PYGO1: variants seen among roughly 807,000 people sequenced by gnomAD.
The protein encoded by PYGO1 is pygopus family PHD finger 1, also known as pygopus homolog 1.
In PYGO1, 6 loss-of-function variants were observed where a neutral mutation model predicts 29.5. That is an observed-to-expected ratio of 0.20 (90% CI 0.11 to 0.40). PYGO1 has a LOEUF of 0.40. Among genes scored for constraint, PYGO1 ranks in the 10% least tolerant of loss-of-function variants. The pLI is 1.00. For missense variants in PYGO1, 515 were observed against 514.9 expected, an observed-to-expected ratio of 1.00 and a Z score of 0.00; for synonymous variants, 186 against 180.5, an observed-to-expected ratio of 1.03 and a Z score of -0.24.
chr15:55,571,475 G>A (rs2058979719), intron 1 of PYGO1, among the ~76,000 whole-genome samples: 1 of 152,138 alleles, frequency 6.6e-6, no homozygotes, highest in Admixed American at 6.5e-5. Flanking sequence ...GGAGGGATCT[G>A]GTAGGAGGTA....
chr15:55,546,829 C>A lies in PYGO1; in HGVS notation c.454G>T (p.Asp152Tyr). 6.2e-7 allele frequency: 1 copy of A among 1,613,996 alleles called. No homozygotes were observed. Among genetic ancestry groups the A allele is most frequent in the Non-Finnish European group, 8.5e-7 (1 of 1,179,950 alleles). The change falls in exon 3 of 3, where the codon GAT (aspartate) becomes TAT (tyrosine). Residue 152 changes from aspartate (D) to tyrosine (Y), a missense_variant. By Grantham distance (160) the Asp-to-Tyr change is radical. Transcript: ENST00000563719. Reference protein sequence around the residue: ...RPHAFNFGPHDNSSFGNPSYN... With the variant: ...RPHAFNFGPHYNSSFGNPSYN... ...GATGGATTACCGAAACTTGAATTATCATGTGGCCCAAAGTTAAAAGCATGA... is the reference window on the plus strand; with the variant it reads ...GATGGATTACCGAAACTTGAATTATAATGTGGCCCAAAGTTAAAAGCATGA...
chr15:55,581,365 A>T (rs28655042), intron 1 of PYGO1, among the ~76,000 whole-genome samples: 2 of 152,142 alleles, frequency 1.3e-5, no homozygotes, highest in African/African-American at 4.8e-5. Flanking sequence ...AAATAGGGAA[A>T]GCACTTCATG....
intron 1 of PYGO1, among the ~76,000 whole-genome samples, chr15:55,551,665 G>T (rs2058879342): frequency 6.6e-6 from 1 of 151,968 alleles, no homozygotes; most frequent in Admixed American, 6.6e-5. Flanking sequence ...AAATTAGCCA[G>T]GTATGGTGGC....
At chr15:55,558,417 C>T (rs553797124) in intron 1 of PYGO1, among the ~76,000 whole-genome samples, 3 of 152,224 alleles carry the variant, frequency 2.0e-5, no homozygotes, top group East Asian at 3.9e-4. Context: ...AATGGCCATA[C>T]TGCCCAAGGT....
At position 55,548,891 on chromosome 15, in the gene PYGO1, A is replaced by C. The variant is rs1261172901; in HGVS notation, c.135+19T>G. The C allele has an allele frequency of 9.4e-6, 15 of 1,600,820 alleles. No individual in the cohort carries two copies. Among genetic ancestry groups the C allele is most frequent in the Non-Finnish European group, 1.3e-5 (15 of 1,174,500 alleles). On this transcript the variant is annotated intron_variant, in intron 2 of 2. Coordinates refer to ENST00000563719, the MANE Select transcript of PYGO1 (RefSeq NM_001367806.1). ...ATACTAGCAAAGAAAAACTTTTATT[A>C]AAGAAAATGTCAGTTTACCTGTGTA... is the stretch of plus-strand genomic sequence containing the variant.
In PYGO1 at chr15:55,546,902, C is replaced by G; in HGVS notation, c.381G>C (p.Gln127His). ...PYCGPYSLRN[Q>H]PHPFPQNPLG... ...GAGGATTCTGAGGAAATGGGTGTGG[C>G]TGGTTCCTGAGTGAGTAAGGACCAC... The change falls in exon 3 of 3, where the codon CAG becomes CAC. Residue 127 changes from glutamine to histidine, a missense_variant. By Grantham distance (24) the Gln-to-His change is conservative. Coordinates refer to ENST00000563719, the MANE Select transcript of PYGO1 (RefSeq NM_001367806.1). 1.2e-6 allele frequency: 2 copies of G among 1,614,084 alleles called. No homozygotes were observed. Among genetic ancestry groups the G allele is most frequent in the Non-Finnish European group, 8.5e-7 (1 of 1,180,016 alleles).
chr15:55,575,360 C>T (rs910980130), intron 1 of PYGO1, among the ~76,000 whole-genome samples: 3 of 152,144 alleles, frequency 2.0e-5, no homozygotes, highest in African/African-American at 7.2e-5. Context: ...ATGTACAATT[C>T]TCTCCCCTAG....
At chr15:55,555,614 G>A (rs1215915220) in intron 1 of PYGO1, among the ~76,000 whole-genome samples, 2 of 151,750 alleles carry the variant, frequency 1.3e-5, no homozygotes, top group Non-Finnish European at 2.9e-5. Flanking sequence ...CATGGCACAT[G>A]TATACATATG....
intron 1 of PYGO1, among the ~76,000 whole-genome samples, chr15:55,584,900 G>C (rs1397099217): frequency 1.3e-5 from 2 of 152,182 alleles, no homozygotes; most frequent in African/African-American, 4.8e-5. Context: ...TTATAATCTA[G>C]GTCTATTAGT....
chr15:55,556,773 T>C (rs4774214), intron 1 of PYGO1, among the ~76,000 whole-genome samples: 62,798 of 139,348 alleles, frequency 0.45, 14,874 homozygotes, highest in Non-Finnish European at 0.57. Context: ...GAAAAAAGAA[T>C]CAAATAGACA....
At chr15:55,576,911 C>G (rs2059005267) in intron 1 of PYGO1, among the ~76,000 whole-genome samples, 1 of 151,660 alleles carries the variant, frequency 6.6e-6, no homozygotes, top group Non-Finnish European at 1.5e-5. Flanking sequence ...CTTAGAACCC[C>G]AAAATCACTA....
In PYGO1 at chr15:55,546,546, G is replaced by C. The variant is rs2058851748; in HGVS notation, c.737C>G (p.Thr246Ser). 7.4e-6 allele frequency: 12 copies of C among 1,614,010 alleles called. No homozygotes were observed. Among genetic ancestry groups the C allele is most frequent in the Non-Finnish European group, 1.0e-5 (12 of 1,180,004 alleles). ...AGAGGAATTTTGATTAGTGTTTTTG[G>C]TTGCTCCTTGAGTAAAGTCTTGTTT... is the stretch of plus-strand genomic sequence containing the variant. ...PPKQDFTQGA[T>S]KNTNQNSSAH... is the part of the protein sequence containing the mutation. The change falls in exon 3 of 3, where the codon ACC becomes AGC. Residue 246 changes from threonine to serine, a missense_variant. Physicochemically the swap from Thr to Ser is moderately conservative, Grantham distance 58. Transcript: ENST00000563719.
chr15:55,550,178 T>C (rs1157023176), intron 1 of PYGO1, among the ~76,000 whole-genome samples: 4 of 152,224 alleles, frequency 2.6e-5, no homozygotes, highest in African/African-American at 9.6e-5. Context: ...TTTTAATTGA[T>C]ATACTTCCCT....
rs776874665 is a variant in PYGO1, at chr15:55,546,340, C to A, written c.943G>T (p.Asp315Tyr). ...NKPRQPRGAA[D>Y]ACTTEKSNKS... ...TTGCTTTTTTCTGTGGTGCAGGCAT[C>A]TGCTGCACCTCTTGGTTGTCGTGGC... Residue 315 changes from aspartate (D) to tyrosine (Y), a missense_variant, in exon 3 of 3, where the codon GAT (aspartate) becomes TAT (tyrosine). Asp to Tyr is a radical substitution (Grantham distance 160). Coordinates refer to ENST00000563719, the MANE Select transcript of PYGO1 (RefSeq NM_001367806.1). 1.6e-5 allele frequency: 26 copies of A among 1,614,164 alleles called. No individual in the cohort carries two copies. Among genetic ancestry groups the A allele is most frequent in the Non-Finnish European group, 2.0e-5 (24 of 1,180,002 alleles).
At chr15:55,567,252 A>G (rs575999826) in intron 1 of PYGO1, among the ~76,000 whole-genome samples, 86 of 107,146 alleles carry the variant, frequency 8.0e-4, no homozygotes, top group African/African-American at 3.3e-3. Context: ...TCTATCACTC[A>G]GGCTGGGTGC....
At chr15:55,562,377 AT>A (rs1445382745) in intron 1 of PYGO1, among the ~76,000 whole-genome samples, 1 of 152,222 alleles carries the variant, frequency 6.6e-6, no homozygotes, top group Non-Finnish European at 1.5e-5. Flanking sequence ...TGCTATAAAA[AT>A]ACATGCACAC....
chr15:55,572,312 C>T (rs190132852), intron 1 of PYGO1, among the ~76,000 whole-genome samples: 2 of 152,216 alleles, frequency 1.3e-5, no homozygotes. Context: ...ATAGTCTAGT[C>T]CCTCCAACAA....
At chr15:55,585,974 A>C (rs1469713088) in intron 1 of PYGO1, among the ~76,000 whole-genome samples, 1 of 152,252 alleles carries the variant, frequency 6.6e-6, no homozygotes, top group Non-Finnish European at 1.5e-5. Flanking sequence ...GCTGATATTA[A>C]GCCTTTAAAA....
chr15:55,546,819 C>G lies in PYGO1; in HGVS notation c.464G>C (p.Ser155Thr). Residue 155 changes from serine (S) to threonine (T), a missense_variant, in exon 3 of 3, where the codon AGT (serine) becomes ACT (threonine). Coordinates refer to ENST00000563719, the MANE Select transcript of PYGO1 (RefSeq NM_001367806.1). ...AFNFGPHDNS[S>T]FGNPSYNNAL... ...ATTATTATAAGATGGATTACCGAAA[C>G]TTGAATTATCATGTGGCCCAAAGTT... The G allele has an allele frequency of 1.9e-6, 3 of 1,613,986 alleles. No homozygotes were observed. Among genetic ancestry groups the G allele is most frequent in the Non-Finnish European group, 2.5e-6 (3 of 1,179,962 alleles).
Sources: gnomAD v4.1 joint callset for allele counts (sites outside exome capture counted in the v4.1 genomes callset) on GRCh38, gnomAD v4.1.1 for gene constraint, MANE v1.5 for transcripts, NCBI Gene and HGNC (gene_info 2026-07-23, HGNC 2026-07-21) for gene names.